NALF1: variants seen among roughly 807,000 people sequenced by gnomAD.
The protein encoded by NALF1 is NALCN channel auxiliary factor 1.
Under a neutral mutation model 48.4 loss-of-function variants are expected in NALF1, and 3 were observed. The ratio of observed to expected loss-of-function variants is 0.06; its 90% CI spans 0.03 to 0.16. The LOEUF (loss-of-function observed/expected upper bound fraction) is 0.16, where lower values mean the gene tolerates loss of function less well. NALF1 is among the 10% of genes least tolerant of loss of function. The pLI, the probability that NALF1 is intolerant of heterozygous loss-of-function variation, is 1.00. For synonymous variants in NALF1, 262 were observed against 245.7 expected (o/e 1.07, Z -0.62); for missense variants, 526 against 571.5 (o/e 0.92, Z 0.81).
rs1187165794 is a variant in NALF1, at chr13:107,690,434, T to A, written c.915+175248A>T. On this transcript the variant is annotated intron_variant, in intron 1 of 2. Coordinates refer to ENST00000375915, the MANE Select transcript of NALF1 (RefSeq NM_001080396.3). ...TGACTTCCCCAGGGAGAATTCAATG[T>A]AGGACATCTGGAATGATAGATTTTA... 2.6e-5 allele frequency among the ~76,000 whole-genome samples: 4 copies of A among 152,208 alleles called. No individual in the cohort carries two copies. In the East Asian group the frequency reaches 7.7e-4, roughly 29 times the overall value.
intron 1 of NALF1, among the ~76,000 whole-genome samples, chr13:107,640,228 C>A (rs1880112717): frequency 6.6e-6 from 1 of 152,120 alleles, no homozygotes; most frequent in African/African-American, 2.4e-5. Flanking sequence ...TATGTCTCAA[C>A]CACTAAGTAC....
chr13:107,523,572 G>A (rs962330388), intron 1 of NALF1, among the ~76,000 whole-genome samples: 6 of 123,854 alleles, frequency 4.8e-5, no homozygotes, highest in African/African-American at 1.9e-4. Context: ...ACCTTTCTTG[G>A]GAATCACTGA....
At chr13:107,466,804 A>C (rs1179694773) in intron 1 of NALF1, 1 of 152,198 alleles carries the variant, frequency 6.6e-6, no homozygotes, top group Non-Finnish European at 1.5e-5. Flanking sequence ...TTGTATTATA[A>C]GATTCTGGAG....
At chr13:107,812,263 C>T (rs1191725129) in intron 1 of NALF1, among the ~76,000 whole-genome samples, 1 of 151,968 alleles carries the variant, frequency 6.6e-6, no homozygotes, top group African/African-American at 2.4e-5. Context: ...GTATAACTAC[C>T]AAGTAAATTT....
chr13:107,323,413 C>T (rs1408231315), intron 1 of NALF1, among the ~76,000 whole-genome samples: 2 of 152,198 alleles, frequency 1.3e-5, no homozygotes, highest in Admixed American at 1.3e-4. Flanking sequence ...TTCAATCTTA[C>T]ATGACTGTTG....
At chr13:107,313,428 A>G (rs1056705962) in intron 1 of NALF1, among the ~76,000 whole-genome samples, 2 of 152,166 alleles carry the variant, frequency 1.3e-5, no homozygotes, top group Non-Finnish European at 2.9e-5. Context: ...TACAAAGATT[A>G]AAAACAAACA....
intron 1 of NALF1, among the ~76,000 whole-genome samples, chr13:107,394,285 C>A (rs982046860): frequency 6.6e-6 from 1 of 152,160 alleles, no homozygotes; most frequent in South Asian, 2.1e-4. Flanking sequence ...AGCTTTCAGA[C>A]GAACTGTGGC....
intron 1 of NALF1, among the ~76,000 whole-genome samples, chr13:107,286,555 C>T (rs1263640347): frequency 7.4e-6 from 1 of 134,978 alleles, no homozygotes; most frequent in African/African-American, 2.8e-5. Context: ...GAGGATGGCT[C>T]GAGGCTGGGT....
At chr13:107,215,606 C>A (rs1181018019) in intron 1 of NALF1, among the ~76,000 whole-genome samples, 1 of 152,100 alleles carries the variant, frequency 6.6e-6, no homozygotes, top group Admixed American at 6.5e-5. Context: ...TGTGAAGCCA[C>A]GAACTCTAGA....
At chr13:107,579,590 C>CTTTTG (rs1467645939) in intron 1 of NALF1, among the ~76,000 whole-genome samples, 38 of 150,870 alleles carry the variant, frequency 2.5e-4, no homozygotes, top group Admixed American at 2.4e-3. Context: ...TGATGCCTTT[C>CTTTTG]TTTTCTTTTC....
At position 107,218,394 on chromosome 13, in the gene NALF1, C is replaced by T. The variant is rs534020268; in HGVS notation, c.916-7639G>A. 4.6e-5 allele frequency among the ~76,000 whole-genome samples: 7 copies of T among 152,270 alleles called. No homozygotes were observed. The East Asian group carries it at 5.8e-4, about 13-fold the overall frequency. ...CTGGATGTATCTGGCAGAAATTTAC[C>T]GTCAGTGGAATGCCCACTGGAAACT... On this transcript the variant is annotated intron_variant, in intron 1 of 2. Coordinates refer to ENST00000375915, the MANE Select transcript of NALF1 (RefSeq NM_001080396.3).
chr13:107,174,906 C>A (rs895725962), intron 2 of NALF1, among the ~76,000 whole-genome samples: 1 of 150,670 alleles, frequency 6.6e-6, no homozygotes, highest in Non-Finnish European at 1.5e-5. Context: ...TTTTTTGAGA[C>A]GGAGTCTCGC....
In NALF1 at chr13:107,431,050, G is replaced by C. The variant is rs185565945; in HGVS notation, c.916-220295C>G. ...TTGATTTGCATTTCTCTGATGGCCA[G>C]TGATGATGAGCATTTTTTCGTGTGT... On this transcript the variant is annotated intron_variant, in intron 1 of 2. Coordinates refer to ENST00000375915, the MANE Select transcript of NALF1 (RefSeq NM_001080396.3). Among the ~76,000 whole-genome samples, 878 of 147,214 alleles carry C rather than the reference G, an allele frequency of 6.0e-3. 6 individuals carry two copies. The highest frequency in any genetic ancestry group is 0.02 in the African/African-American group (828 of 40,928).
At chr13:107,824,099 T>G (rs1879440261) in intron 1 of NALF1, among the ~76,000 whole-genome samples, 1 of 152,098 alleles carries the variant, frequency 6.6e-6, no homozygotes, top group African/African-American at 2.4e-5. Flanking sequence ...AATAAATGTT[T>G]GTTGAATAAA....
chr13:107,192,806 C>A (rs2138785872), intron 2 of NALF1, among the ~76,000 whole-genome samples: 1 of 152,138 alleles, frequency 6.6e-6, no homozygotes, highest in African/African-American at 2.4e-5. Flanking sequence ...GGTGAGAATC[C>A]ATGTAGTTAT....
At chr13:107,270,367 A>G (rs1382135442) in intron 1 of NALF1, among the ~76,000 whole-genome samples, 4 of 152,072 alleles carry the variant, frequency 2.6e-5, no homozygotes, top group Non-Finnish European at 5.9e-5. Flanking sequence ...AATAGGAAAA[A>G]CTATACATTT....
chr13:107,753,311 A>C (rs1003271953), intron 1 of NALF1, among the ~76,000 whole-genome samples: 1 of 152,100 alleles, frequency 6.6e-6, no homozygotes, highest in African/African-American at 2.4e-5. Flanking sequence ...TCTTTCATTA[A>C]TTGTGCAATA....
At chr13:107,609,553 T>A (rs59578270) in intron 1 of NALF1, among the ~76,000 whole-genome samples, 6,324 of 152,222 alleles carry the variant, frequency 0.042, 348 homozygotes, top group East Asian at 0.26. Flanking sequence ...TATTTTTTAT[T>A]CCTTAGCCAG....
intron 2 of NALF1, among the ~76,000 whole-genome samples, chr13:107,192,557 T>C (rs1879305361): frequency 6.6e-6 from 1 of 152,140 alleles, no homozygotes. Context: ...ACCACATGAG[T>C]AAACAAGCTA....
Sources: gnomAD v4.1 joint callset for allele counts (sites outside exome capture counted in the v4.1 genomes callset) on GRCh38, gnomAD v4.1.1 for gene constraint, MANE v1.5 for transcripts, NCBI Gene and HGNC (gene_info 2026-07-23, HGNC 2026-07-21) for gene names.